The following SCOC variants were observed in gnomAD, a reference collection of about 807,000 sequenced individuals.
SCOC encodes the protein short coiled-coil protein, also known as short coiled coil protein.
In SCOC, 7 loss-of-function variants were observed where a neutral mutation model predicts 9.9. The ratio of observed to expected loss-of-function variants is 0.71; its 90% CI spans 0.40 to 1.33. The LOEUF (loss-of-function observed/expected upper bound fraction) is 1.33. SCOC is among the 40% of genes most tolerant of loss of function. SCOC has a pLI of 0.01. For synonymous variants in SCOC, 19 were observed against 28.2 expected, an observed-to-expected ratio of 0.67 and a Z score of 1.03; for missense variants, 66 against 89.7, an observed-to-expected ratio of 0.74 and a Z score of 1.07.
upstream of SCOC, among the ~76,000 whole-genome samples, chr4:140,341,082 C>G (rs1442250070): frequency 2.0e-5 from 3 of 151,924 alleles, no homozygotes; most frequent in Non-Finnish European, 4.4e-5. Context: ...AGGCATGAGC[C>G]CAGCCGAGTT....
exon 2 of SCOC, chr4:140,343,653 G>A: frequency 6.2e-7 from 1 of 1,613,616 alleles, no homozygotes; most frequent in Non-Finnish European, 8.5e-7. Context: ...ACGGGTCCAG[G>A]AAAGAGGAGG....
chr4:140,379,396 T>C (rs769717212), intron 2 of SCOC, among the ~76,000 whole-genome samples, 173 bp from the exon 3 acceptor site: 2 of 152,214 alleles, frequency 1.3e-5, no homozygotes, highest in Non-Finnish European at 2.9e-5. Flanking sequence ...TGTTTTTATC[T>C]TCTTTACCTT....
intron 1 of SCOC, 110 bp downstream of exon 1, chr4:140,373,827 C>G: frequency 1.7e-6 from 2 of 1,201,998 alleles, no homozygotes; most frequent in African/African-American, 1.5e-5. Flanking sequence ...GCCCTGCGCA[C>G]CGGGGGCCCG....
At chr4:140,321,343 A>G (rs1732494644) in intron 1 of SCOC, among the ~76,000 whole-genome samples, 1 of 152,206 alleles carries the variant, frequency 6.6e-6, no homozygotes, top group Non-Finnish European at 1.5e-5. Context: ...TGTGTTTCCC[A>G]AAGTAATCAA....
At chr4:140,297,728 G>GA (rs1360885756) in intron 1 of SCOC, among the ~76,000 whole-genome samples, 1 of 152,004 alleles carries the variant, frequency 6.6e-6, no homozygotes, top group African/African-American at 2.4e-5. Context: ...TAAATCAAAG[G>GA]AAAAAAACAA....
chr4:140,263,078 TG>T (rs2126389876), intron 1 of SCOC, among the ~76,000 whole-genome samples: 1 of 152,326 alleles, frequency 6.6e-6, no homozygotes, highest in East Asian at 1.9e-4. Flanking sequence ...TTAGAGTAAC[TG>T]TTTAGGCACA....
chr4:140,317,684 GTATTAT>G (rs4056378), intron 1 of SCOC, among the ~76,000 whole-genome samples: 6 of 127,256 alleles, frequency 4.7e-5, no homozygotes, highest in South Asian at 2.5e-4. Context: ...TATTTTATTT[GTATTAT>G]TATTATTATT....
chr4:140,262,805 A>C (rs1001642776), intron 1 of SCOC, among the ~76,000 whole-genome samples: 1 of 150,322 alleles, frequency 6.7e-6, no homozygotes, highest in African/African-American at 2.5e-5. Context: ...AACCTCTTAC[A>C]TGGCAGCAGG....
chr4:140,373,365 A>C (rs746346591), upstream of SCOC: 3 of 1,441,446 alleles, frequency 2.1e-6, no homozygotes, highest in South Asian at 1.5e-5. Context: ...AGACCTGATG[A>C]GCCGCTTCAC....
chr4:140,365,160 A>G (rs1204592199), intron 2 of SCOC, among the ~76,000 whole-genome samples: 3 of 130,388 alleles, frequency 2.3e-5, no homozygotes, highest in Non-Finnish European at 4.8e-5. Flanking sequence ...ATCATGAAAG[A>G]TATGGATATG....
intron 1 of SCOC, among the ~76,000 whole-genome samples, chr4:140,306,407 T>C (rs975856399): frequency 6.6e-6 from 1 of 152,130 alleles, no homozygotes; most frequent in African/African-American, 2.4e-5. Context: ...AGTACCCCTC[T>C]GAGTAAGTTA....
At chr4:140,327,043 G>A (rs1732669809) in intron 1 of SCOC, among the ~76,000 whole-genome samples, 1 of 152,178 alleles carries the variant, frequency 6.6e-6, no homozygotes, top group South Asian at 2.1e-4. Context: ...TGAAGAAGTT[G>A]AAAATCACTT....
intron 2 of SCOC, among the ~76,000 whole-genome samples, chr4:140,349,719 C>T (rs1005142138): frequency 2.0e-5 from 3 of 152,202 alleles, no homozygotes; most frequent in African/African-American, 7.2e-5. Flanking sequence ...GGAAATGTTT[C>T]TCAAATAAAT....
At chr4:140,305,361 T>C (rs1731936967) in intron 1 of SCOC, among the ~76,000 whole-genome samples, 1 of 152,188 alleles carries the variant, frequency 6.6e-6, no homozygotes, top group Non-Finnish European at 1.5e-5. Context: ...AGAGCAGTTC[T>C]AGATGTTATA....
At chr4:140,281,669 C>G (rs535170103) in intron 1 of SCOC, among the ~76,000 whole-genome samples, 2 of 152,188 alleles carry the variant, frequency 1.3e-5, no homozygotes, top group African/African-American at 2.4e-5. Context: ...TGGCCTCCCC[C>G]GTATCTCCAA....
At chr4:140,378,221 TTA>T (rs1728425599) in intron 1 of SCOC, among the ~76,000 whole-genome samples, 1 of 152,150 alleles carries the variant, frequency 6.6e-6, no homozygotes, top group African/African-American at 2.4e-5. Context: ...GGTCTAGTAT[TTA>T]TCTTTTGAAT....
chr4:140,261,493 C>T (rs184017710), intron 1 of SCOC, among the ~76,000 whole-genome samples: 33 of 152,356 alleles, frequency 2.2e-4, no homozygotes, highest in Admixed American at 2.0e-3. Context: ...CTTCCCCATT[C>T]ATTTGGGTCC....
At chr4:140,338,049 A>G (rs1201326835) in intron 1 of SCOC, among the ~76,000 whole-genome samples, 1 of 152,232 alleles carries the variant, frequency 6.6e-6, no homozygotes, top group Non-Finnish European at 1.5e-5. Context: ...AAAATCCTCA[A>G]TAAAATACTG....
intron 1 of SCOC, among the ~76,000 whole-genome samples, chr4:140,263,317 T>C (rs1214659078): frequency 6.6e-6 from 1 of 152,158 alleles, no homozygotes; most frequent in African/African-American, 2.4e-5. Context: ...ACCATCAGTG[T>C]TACAGAGACT....
Sources: gnomAD v4.1 joint callset for allele counts (sites outside exome capture counted in the v4.1 genomes callset) on GRCh38, gnomAD v4.1.1 for gene constraint, MANE v1.5 for transcripts, NCBI Gene and HGNC (gene_info 2026-07-23, HGNC 2026-07-21) for gene names.